The following OR2L13 variants were observed in gnomAD, a reference collection of about 807,000 sequenced individuals.
OR2L13 encodes olfactory receptor family 2 subfamily L member 13.
Under a neutral mutation model 15.3 loss-of-function variants are expected in OR2L13, and 14 were observed. The ratio of observed to expected loss-of-function variants is 0.91; its 90% CI spans 0.60 to 1.43. The LOEUF is 1.43. Among genes scored for constraint, OR2L13 ranks in the 40% most tolerant of loss-of-function variants. The pLI is 0.00. For missense variants in OR2L13, 367 were observed against 387.9 expected, an observed-to-expected ratio of 0.95 and a Z score of 0.45; for synonymous variants, 152 against 142.9, an observed-to-expected ratio of 1.06 and a Z score of -0.45.
chr1:248,022,037 T>C, the OR2L13 span: 9,271 of 1,613,946 alleles, frequency 5.7e-3, 416 homozygotes, highest in African/African-American at 0.11. Flanking sequence ...TCATTCTCTT[T>C]GTTCTCATTT....
chr1:248,020,074 C>T, the OR2L13 span, among the ~76,000 whole-genome samples: 17 of 152,252 alleles, frequency 1.1e-4, 1 homozygote, highest in South Asian at 2.1e-3. Flanking sequence ...TGAACAAACG[C>T]ACCTGACCTC....
chr1:247,975,197 C>T, the OR2L13 span: 34 of 393,888 alleles, frequency 8.6e-5, no homozygotes, highest in Admixed American at 6.1e-4. Context: ...TGGGCTCTAT[C>T]GACACTTGTG....
chr1:248,035,549 G>A, the OR2L13 span: 1 of 152,118 alleles, frequency 6.6e-6, no homozygotes, highest in Non-Finnish European at 1.5e-5. Context: ...TTTTATTCAA[G>A]TAATGCGTAG....
the OR2L13 span, among the ~76,000 whole-genome samples, chr1:247,960,748 G>T: frequency 6.6e-6 from 1 of 152,316 alleles, no homozygotes; most frequent in Non-Finnish European, 1.5e-5. Flanking sequence ...GCTAGGCGCG[G>T]GATTAATCTC....
At chr1:247,960,662 C>G in the OR2L13 span, among the ~76,000 whole-genome samples, 2 of 152,294 alleles carry the variant, frequency 1.3e-5, no homozygotes, top group South Asian at 4.1e-4. Flanking sequence ...CCCCCAGCCT[C>G]GCTGCCACCT....
At chr1:248,005,061 G>A in the OR2L13 span, among the ~76,000 whole-genome samples, 1 of 152,208 alleles carries the variant, frequency 6.6e-6, no homozygotes, top group South Asian at 2.1e-4. Flanking sequence ...GTTAACAGTT[G>A]CAAAAATATA....
At chr1:248,061,333 G>C in the OR2L13 span, 1 of 1,613,774 alleles carries the variant, frequency 6.2e-7, no homozygotes, top group South Asian at 1.1e-5. Flanking sequence ...ATGTTCCTAT[G>C]GCCGGGTTCT....
chr1:248,088,445 T>G, the OR2L13 span, among the ~76,000 whole-genome samples: 1 of 152,238 alleles, frequency 6.6e-6, no homozygotes, highest in Non-Finnish European at 1.5e-5. Context: ...GTTCCTTTCC[T>G]ATAAAAGATG....
the OR2L13 span, among the ~76,000 whole-genome samples, chr1:248,048,756 A>G: frequency 6.6e-6 from 1 of 152,110 alleles, no homozygotes; most frequent in East Asian, 1.9e-4. Context: ...TGTATATTTT[A>G]GATATCGCTT....
chr1:247,941,339 A>G, the OR2L13 span, among the ~76,000 whole-genome samples: 2 of 152,110 alleles, frequency 1.3e-5, no homozygotes, highest in Non-Finnish European at 2.9e-5. Flanking sequence ...GGGTTATATC[A>G]TAGATATTGA....
At chr1:248,067,874 C>A in the OR2L13 span, among the ~76,000 whole-genome samples, 1 of 152,190 alleles carries the variant, frequency 6.6e-6, no homozygotes, top group East Asian at 1.9e-4. Flanking sequence ...GTCCCACGCC[C>A]ACAGAGTCTC....
At chr1:247,959,795 A>C in the OR2L13 span, among the ~76,000 whole-genome samples, 4 of 152,178 alleles carry the variant, frequency 2.6e-5, no homozygotes, top group African/African-American at 9.7e-5. Context: ...CAGCTCCATC[A>C]GGTCTTTTAA....
the OR2L13 span, among the ~76,000 whole-genome samples, chr1:248,047,443 T>G: frequency 6.2e-4 from 95 of 152,126 alleles, no homozygotes; most frequent in Non-Finnish European, 1.0e-3. Context: ...ACGAGAATGG[T>G]TAAAATCACC....
chr1:248,098,541 G>A (rs187884641), intron 1 of OR2L13, 110 bp from the exon 2 acceptor site: 1 of 152,076 alleles, frequency 6.6e-6, no homozygotes, highest in South Asian at 2.1e-4. Context: ...CCTGTGGCAG[G>A]CTCTCTTTCA....
At chr1:247,970,865 G>T in the OR2L13 span, among the ~76,000 whole-genome samples, 1 of 152,128 alleles carries the variant, frequency 6.6e-6, no homozygotes, top group South Asian at 2.1e-4. Context: ...AATCTTTATG[G>T]CTTCATGCAT....
At chr1:247,964,002 C>T in the OR2L13 span, among the ~76,000 whole-genome samples, 2 of 152,200 alleles carry the variant, frequency 1.3e-5, no homozygotes, top group Admixed American at 1.3e-4. Context: ...TCAGCACGCT[C>T]AGAAGCCCTT....
the OR2L13 span, among the ~76,000 whole-genome samples, chr1:247,993,807 G>GAAAGAGAA: frequency 7.7e-6 from 1 of 129,082 alleles, no homozygotes; most frequent in African/African-American, 3.9e-5. Flanking sequence ...GAGAGAGAGA[G>GAAAGAGAA]AGAGAAAGAA....
chr1:248,084,535 G>T, the OR2L13 span: 15 of 1,613,132 alleles, frequency 9.3e-6, no homozygotes, highest in Non-Finnish European at 1.2e-5. Flanking sequence ...GACTTGGTGG[G>T]CTCTGGTGTG....
the OR2L13 span, among the ~76,000 whole-genome samples, chr1:248,001,906 T>G: frequency 6.6e-6 from 1 of 152,148 alleles, no homozygotes; most frequent in Non-Finnish European, 1.5e-5. Context: ...ACAGTTTGTC[T>G]TAGACAGCCC....
Sources: allele counts gnomAD v4.1 joint callset (sites outside exome capture counted in the v4.1 genomes callset), GRCh38; gene constraint gnomAD v4.1.1; transcripts MANE v1.5; gene names NCBI Gene and HGNC (gene_info 2026-07-23, HGNC 2026-07-21).